The following PCCA variants were observed in gnomAD, a reference collection of about 807,000 sequenced individuals.
PCCA encodes the protein propionyl-CoA carboxylase alpha chain, mitochondrial.
In PCCA, 74 loss-of-function variants were observed where a neutral mutation model predicts 101.3. The observed-to-expected ratio is 0.73, with a 90% CI of 0.61 to 0.89. The LOEUF is 0.89. Among genes scored for constraint, PCCA ranks in the 40% least tolerant of loss-of-function variants. The probability of loss-of-function intolerance (pLI) is 0.00; values close to 1 mark genes in which losing one functional copy is unlikely to be tolerated. For synonymous variants in PCCA, 294 were observed against 313.6 expected, an observed-to-expected ratio of 0.94 and a Z score of 0.66; for missense variants, 891 against 907.0, an observed-to-expected ratio of 0.98 and a Z score of 0.23.
intron 21 of PCCA, among the ~76,000 whole-genome samples, chr13:100,509,430 C>T (rs981451089): frequency 1.3e-5 from 2 of 152,152 alleles, no homozygotes; most frequent in African/African-American, 2.4e-5. Flanking sequence ...CTGTGGATCA[C>T]GGACGGTTTG....
intron 4 of PCCA, among the ~76,000 whole-genome samples, chr13:100,119,989 A>C (rs928250517): frequency 6.6e-6 from 1 of 151,970 alleles, no homozygotes; most frequent in Non-Finnish European, 1.5e-5. Flanking sequence ...CTCCTGCCTC[A>C]GCCTCCCGAG....
At chr13:100,188,881 A>G (rs551409663) in intron 6 of PCCA, among the ~76,000 whole-genome samples, 11 of 148,540 alleles carry the variant, frequency 7.4e-5, no homozygotes, top group Admixed American at 1.3e-4. Flanking sequence ...ACATGTCCTT[A>G]GCCCACTTTT....
In PCCA at chr13:100,381,906, A is replaced by G. The variant is rs2076250606; in HGVS notation, c.1746+13332A>G. On this transcript the variant is annotated intron_variant, in intron 19 of 23. Coordinates refer to ENST00000376285, the MANE Select transcript of PCCA (RefSeq NM_000282.4). ...ACCAGAGCAAGTGCTTTTGGGCGCC[A>G]GCAGGAGCGAACTCTGTGCAGGCCC... 2.0e-5 allele frequency among the ~76,000 whole-genome samples: 3 copies of G among 152,234 alleles called. No individual in the cohort carries two copies. In the South Asian group the frequency reaches 6.2e-4, roughly 32 times the overall value.
intron 4 of PCCA, among the ~76,000 whole-genome samples, chr13:100,146,259 A>G (rs897313968): frequency 2.0e-5 from 3 of 150,408 alleles, no homozygotes; most frequent in African/African-American, 7.3e-5. Context: ...TTTTTATAAG[A>G]TATCTGTTGT....
chr13:100,458,210 C>T lies in PCCA; in HGVS notation c.1899+8905C>T, dbSNP rs184992835. On this transcript the variant is annotated intron_variant, in intron 21 of 23. Coordinates refer to ENST00000376285, the MANE Select transcript of PCCA (RefSeq NM_000282.4). ...AAAATTGTGGCCAAGCATGGTGGCT[C>T]ATGCCTGTAATCCCAGCTACTCAGG... Among the ~76,000 whole-genome samples the T allele has an allele frequency of 3.3e-5, 5 of 151,932 alleles. No individual in the cohort carries two copies. The East Asian group carries it at 9.7e-4, about 29-fold the overall frequency.
chr13:100,355,194 A>C (rs1006003595), intron 18 of PCCA, among the ~76,000 whole-genome samples: 2 of 152,166 alleles, frequency 1.3e-5, no homozygotes, highest in Non-Finnish European at 2.9e-5. Flanking sequence ...TTAATAGAAT[A>C]AGAGAAAAAA....
Position 100,308,829 on chromosome 13 carries a change from T to G in PCCA, c.1354-1004T>G, listed in dbSNP as rs181890702. Reference sequence around the variant, plus strand: ...ATATTGAAGAGCTAGTAAAACCTACTAAAATAATCACAATCTATAGATTGG... The same window carrying G: ...ATATTGAAGAGCTAGTAAAACCTACGAAAATAATCACAATCTATAGATTGG... On this transcript the variant is annotated intron_variant, in intron 15 of 23. Transcript: ENST00000376285. Among the ~76,000 whole-genome samples the G allele has an allele frequency of 3.4e-3, 524 of 152,292 alleles. 5 individuals carry two copies. Among genetic ancestry groups the G allele is most frequent in the African/African-American group, 0.012 (507 of 41,562 alleles).
At chr13:100,197,366 A>T (rs887401782) in intron 6 of PCCA, among the ~76,000 whole-genome samples, 4 of 151,090 alleles carry the variant, frequency 2.6e-5, no homozygotes, top group African/African-American at 4.9e-5. Context: ...TAATTTTTAA[A>T]TTTTTTTTTG....
chr13:100,431,372 T>A (rs1413490269), intron 20 of PCCA, among the ~76,000 whole-genome samples: 1 of 152,202 alleles, frequency 6.6e-6, no homozygotes, highest in African/African-American at 2.4e-5. Context: ...GTAGCTTCTG[T>A]TTTTATTGTT....
chr13:100,301,412 T>C (rs1243900042), intron 12 of PCCA, 48 bp from the exon 13 acceptor site: 1 of 1,607,902 alleles, frequency 6.2e-7, no homozygotes, highest in African/African-American at 1.3e-5. Flanking sequence ...TGTTTCTATT[T>C]ATTTACCCTT....
At position 100,507,626 on chromosome 13, in the gene PCCA, G is replaced by A. The variant is rs189273833; in HGVS notation, c.1900-7801G>A. On this transcript the variant is annotated intron_variant, in intron 21 of 23. Transcript: ENST00000376285. Reference sequence around the variant, plus strand: ...GAAGAAATAAATCCTCTCTGTTATTGAGTGCTGGGTCTAGTGTTTAATTTT... The same window carrying A: ...GAAGAAATAAATCCTCTCTGTTATTAAGTGCTGGGTCTAGTGTTTAATTTT... 3.0e-3 allele frequency among the ~76,000 whole-genome samples: 456 copies of A among 152,220 alleles called. 1 individual carries two copies. The highest frequency in any genetic ancestry group is 0.01 in the African/African-American group (425 of 41,532).
intron 12 of PCCA, among the ~76,000 whole-genome samples, chr13:100,291,111 GAT>G (rs1385983789): frequency 6.6e-6 from 1 of 152,156 alleles, no homozygotes; most frequent in Non-Finnish European, 1.5e-5. Flanking sequence ...ATCTAGAGAT[GAT>G]TTAAAGTATA....
intron 19 of PCCA, among the ~76,000 whole-genome samples, chr13:100,401,287 AG>A (rs2077347183): frequency 1.3e-5 from 2 of 152,132 alleles, no homozygotes; most frequent in Admixed American, 6.5e-5. Flanking sequence ...TCTGTTGCCC[AG>A]GCTAGAGTGA....
At chr13:100,308,205 T>G (rs9300600) in intron 15 of PCCA, among the ~76,000 whole-genome samples, 137,599 of 152,304 alleles carry the variant, frequency 0.9, 63,782 homozygotes, top group East Asian at 1. Context: ...GATACATCTG[T>G]ATTGAGGAAT....
intron 21 of PCCA, among the ~76,000 whole-genome samples, chr13:100,479,156 T>C (rs2083673512): frequency 6.6e-6 from 1 of 152,208 alleles, no homozygotes; most frequent in Admixed American, 6.5e-5. Context: ...AAAGGTCATG[T>C]TATCCATTCC....
intron 16 of PCCA, among the ~76,000 whole-genome samples, chr13:100,315,749 T>C (rs2067289973): frequency 6.6e-6 from 1 of 152,154 alleles, no homozygotes; most frequent in Admixed American, 6.6e-5. Flanking sequence ...CTGGTGGTGA[T>C]TTCCCATACA....
intron 17 of PCCA, among the ~76,000 whole-genome samples, chr13:100,333,640 T>C (rs1177226466): frequency 6.6e-6 from 1 of 152,216 alleles, no homozygotes. Flanking sequence ...AGAAGATATT[T>C]TAAGAACTAT....
chr13:100,178,654 C>A (rs938121989), intron 6 of PCCA, among the ~76,000 whole-genome samples: 3 of 151,970 alleles, frequency 2.0e-5, no homozygotes, highest in Non-Finnish European at 4.4e-5. Context: ...ATTTTATTTG[C>A]GGAGGGTGGG....
intron 7 of PCCA, among the ~76,000 whole-genome samples, chr13:100,224,680 A>C (rs1406216417): frequency 6.6e-6 from 1 of 152,234 alleles, no homozygotes; most frequent in East Asian, 1.9e-4. Context: ...GGGCCTATGC[A>C]TATAGGATGG....
Sources: gnomAD v4.1 joint callset for allele counts (sites outside exome capture counted in the v4.1 genomes callset) on GRCh38, gnomAD v4.1.1 for gene constraint, MANE v1.5 for transcripts, NCBI Gene and HGNC (gene_info 2026-07-23, HGNC 2026-07-21) for gene names.